Variants in THADA observed in about 807,000 individuals in gnomAD.
The protein encoded by THADA is tRNA (32-2'-O)-methyltransferase regulator THADA.
THADA carries 213 observed loss-of-function variants against 219.8 expected under a neutral mutation model. The observed-to-expected ratio is 0.97, with a 90% CI of 0.87 to 1.09. The LOEUF (loss-of-function observed/expected upper bound fraction) is 1.09, where lower values mean the gene tolerates loss of function less well. Ranked by LOEUF, THADA falls within the 50% of genes least tolerant of loss-of-function variation. The probability of loss-of-function intolerance (pLI) is 0.00; values close to 1 mark genes in which losing one functional copy is unlikely to be tolerated. For missense variants in THADA, 2,956 were observed against 2,311.3 expected (o/e 1.28, Z -5.72); for synonymous variants, 1,018 against 828.9 (o/e 1.23, Z -3.92).
chr2:43,441,790 T>G (rs928762246), intron 26 of THADA, among the ~76,000 whole-genome samples: 7 of 152,262 alleles, frequency 4.6e-5, no homozygotes, highest in African/African-American at 1.7e-4. Context: ...TAGGTCATAT[T>G]TGAATCTCCC....
At chr2:43,497,310 G>T (rs903263844) in intron 25 of THADA, among the ~76,000 whole-genome samples, 1 of 152,134 alleles carries the variant, frequency 6.6e-6, no homozygotes, top group South Asian at 2.1e-4. Context: ...TGATAGACTG[G>T]ATAAAGAAAA....
At position 43,574,482 on chromosome 2, in the gene THADA, GA is replaced by G; in HGVS notation, c.1582del (p.Ser528LeufsTer18). The stretch of plus-strand genomic sequence containing the variant: ...TTCACACAATATAAAAAGGAGAGGA[GA>G]AACCCAAGTCTCATGCCACTGGTCA... Reference protein sequence around the residue: ...WIDQWHETWVSPLLFILCEGN... With the variant: ...WIDQWHETWVXPLLFILCEGN... On this transcript the variant is annotated frameshift_variant, in exon 11 of 38. Coordinates refer to ENST00000405975, the MANE Select transcript of THADA (RefSeq NM_022065.5). LOFTEE classifies it high-confidence loss of function. The G allele has an allele frequency of 6.2e-7, 1 of 1,613,806 alleles. No homozygotes were observed. The highest frequency in any genetic ancestry group is 8.5e-7 in the Non-Finnish European group (1 of 1,179,826).
At chr2:43,242,899 C>T (rs1407975883) in intron 36 of THADA, among the ~76,000 whole-genome samples, 1 of 152,234 alleles carries the variant, frequency 6.6e-6, no homozygotes, top group Admixed American at 6.5e-5. Context: ...CTGTGCCCCT[C>T]CTCCACCCTG....
intron 20 of THADA, among the ~76,000 whole-genome samples, chr2:43,548,478 C>G (rs1467495867): frequency 1.3e-5 from 2 of 152,200 alleles, no homozygotes; most frequent in African/African-American, 4.8e-5. Flanking sequence ...GAGGTGGAGC[C>G]TACAGAGGCA....
chr2:43,285,839 C>T (rs1382691640), intron 35 of THADA, among the ~76,000 whole-genome samples: 1 of 152,226 alleles, frequency 6.6e-6, no homozygotes, highest in Non-Finnish European at 1.5e-5. Context: ...ACGTGAGCCA[C>T]TGTGCCTGGC....
chr2:43,250,204 A>G (rs1206274925), intron 36 of THADA, among the ~76,000 whole-genome samples: 1 of 152,214 alleles, frequency 6.6e-6, no homozygotes, highest in East Asian at 1.9e-4. Flanking sequence ...GATCCATACA[A>G]TGGACCATTA....
chr2:43,314,521 G>A (rs752675880), intron 31 of THADA, among the ~76,000 whole-genome samples: 4 of 152,196 alleles, frequency 2.6e-5, no homozygotes, highest in Admixed American at 6.5e-5. Flanking sequence ...ATCTGTCAAA[G>A]GGGTAAATAT....
chr2:43,261,371 G>A (rs1280954335), intron 36 of THADA, among the ~76,000 whole-genome samples: 2 of 151,148 alleles, frequency 1.3e-5, no homozygotes, highest in Middle Eastern at 3.2e-3. Context: ...CTACAGGCAT[G>A]CACCATCATG....
At chr2:43,391,221 T>G (rs573093735) in intron 29 of THADA, among the ~76,000 whole-genome samples, 4 of 152,280 alleles carry the variant, frequency 2.6e-5, no homozygotes, top group African/African-American at 9.6e-5. Context: ...TTCCTCTTTT[T>G]GCTATTAATT....
intron 15 of THADA, chr2:43,565,639 G>C (rs1009373586): frequency 2.1e-4 from 32 of 152,090 alleles, no homozygotes; most frequent in African/African-American, 7.7e-4. Flanking sequence ...AAATAAAAAA[G>C]AATCCAATGA....
chr2:43,352,840 C>A (rs1668438572), intron 29 of THADA, among the ~76,000 whole-genome samples: 1 of 152,164 alleles, frequency 6.6e-6, no homozygotes, highest in Non-Finnish European at 1.5e-5. Flanking sequence ...TCAACTTGTT[C>A]ATCCCGCGTA....
intron 1 of THADA, among the ~76,000 whole-genome samples, chr2:43,593,486 G>T (rs1701798666): frequency 1.3e-5 from 2 of 152,264 alleles, no homozygotes; most frequent in African/African-American, 4.8e-5. Flanking sequence ...ATTTCTGAAG[G>T]ACCTAGAGAG....
At position 43,581,852 on chromosome 2, in the gene THADA, A is replaced by T; in HGVS notation, c.610T>A (p.Leu204Ile). Residue 204 changes from leucine to isoleucine, a missense_variant, in exon 8 of 38, where the codon TTA becomes ATA. Transcript: ENST00000405975. ...LLVGIRVSMM[L>I]VQKVQDFQGN... is the part of the protein sequence containing the mutation. The stretch of plus-strand genomic sequence containing the variant: ...TGGAAATCTTGTACTTTCTGTACTA[A>T]CATCATTGAAACTCTAATGCCTACC... 1 of 1,612,226 alleles carries T rather than the reference A, an allele frequency of 6.2e-7. No homozygotes were observed.
intron 36 of THADA, 26 bp from the exon 37 acceptor site, chr2:43,232,908 A>G: frequency 6.3e-7 from 1 of 1,595,660 alleles, no homozygotes; most frequent in Non-Finnish European, 8.5e-7. Flanking sequence ...AAAGGTGAGC[A>G]ATGAATATAC....
chr2:43,266,001 G>C (rs907072683), intron 36 of THADA, among the ~76,000 whole-genome samples: 3 of 147,438 alleles, frequency 2.0e-5, no homozygotes, highest in African/African-American at 7.6e-5. Context: ...AGACTCTTGA[G>C]GGTCTGAAGC....
chr2:43,560,598 C>G (rs1317412700), intron 15 of THADA, among the ~76,000 whole-genome samples: 1 of 152,108 alleles, frequency 6.6e-6, no homozygotes, highest in Admixed American at 6.6e-5. Context: ...GATTTTTAAA[C>G]CATTCCATTA....
At chr2:43,272,040 G>C (rs1457465363) in intron 36 of THADA, among the ~76,000 whole-genome samples, 1 of 152,234 alleles carries the variant, frequency 6.6e-6, no homozygotes, top group African/African-American at 2.4e-5. Context: ...GAGAGGTCAA[G>C]GCAGGCCCCC....
chr2:43,474,492 A>G (rs921822210), intron 26 of THADA, among the ~76,000 whole-genome samples: 6 of 152,314 alleles, frequency 3.9e-5, no homozygotes, highest in Middle Eastern at 3.4e-3. Flanking sequence ...GATTTCGACC[A>G]TATTTTATAA....
chr2:43,292,764 C>T (rs1674885111), intron 32 of THADA, 70 bp downstream of exon 32: 1 of 1,545,844 alleles, frequency 6.5e-7, no homozygotes, highest in South Asian at 1.2e-5. Flanking sequence ...CTTCATGATC[C>T]TACCATTCCA....
Sources: gnomAD v4.1 joint callset for allele counts (sites outside exome capture counted in the v4.1 genomes callset) on GRCh38, gnomAD v4.1.1 for gene constraint, MANE v1.5 for transcripts, NCBI Gene and HGNC (gene_info 2026-07-23, HGNC 2026-07-21) for gene names.